Variants in EYS observed in about 807,000 individuals in gnomAD.
EYS encodes EGF-like photoreceptor maintenance factor.
EYS carries 250 observed loss-of-function variants against 282.1 expected under a neutral mutation model. The observed-to-expected ratio is 0.89, with a 90% CI of 0.80 to 0.98. The LOEUF (loss-of-function observed/expected upper bound fraction) is 0.98. Among genes scored for constraint, EYS ranks in the 50% least tolerant of loss-of-function variants. The probability of loss-of-function intolerance (pLI) is 0.00; values close to 1 mark genes in which losing one functional copy is unlikely to be tolerated. For synonymous variants in EYS, 1,355 were observed against 1,282.9 expected (o/e 1.06, Z -1.20); for missense variants, 4,016 against 3,709.0 (o/e 1.08, Z -2.15).
chr6:64,958,659 C>T (rs1267447382), intron 14 of EYS, among the ~76,000 whole-genome samples: 1 of 134,548 alleles, frequency 7.4e-6, no homozygotes, highest in Non-Finnish European at 1.5e-5. Context: ...GGTGTGAACC[C>T]GGAAGGCGGA....
At chr6:63,949,482 C>T (rs556819042) in intron 35 of EYS, among the ~76,000 whole-genome samples, 41 of 152,270 alleles carry the variant, frequency 2.7e-4, no homozygotes, top group African/African-American at 8.9e-4. Flanking sequence ...AATTTCAGTT[C>T]TCAGGACTGG....
chr6:65,394,119 C>T (rs1766168967), intron 7 of EYS, among the ~76,000 whole-genome samples: 1 of 151,940 alleles, frequency 6.6e-6, no homozygotes, highest in South Asian at 2.1e-4. Context: ...AACTTTATTT[C>T]CTGGCTCATT....
intron 29 of EYS, among the ~76,000 whole-genome samples, chr6:64,382,601 A>T (rs1239493102): frequency 6.6e-6 from 1 of 152,220 alleles, no homozygotes; most frequent in Non-Finnish European, 1.5e-5. Context: ...GATGATATAA[A>T]TACAGTGGTA....
chr6:65,116,395 T>C (rs542028921), intron 12 of EYS, among the ~76,000 whole-genome samples: 1 of 152,284 alleles, frequency 6.6e-6, no homozygotes, highest in East Asian at 1.9e-4. Flanking sequence ...TGAATTATTT[T>C]AGTCATTTAA....
chr6:65,661,350 C>T (rs1319903409), intron 1 of EYS, among the ~76,000 whole-genome samples: 6 of 151,928 alleles, frequency 3.9e-5, no homozygotes, highest in African/African-American at 1.4e-4. Context: ...ATGCCCCTTC[C>T]ATGTAGTGAC....
At chr6:65,205,001 GAAGAAT>G (rs1765997479) in intron 12 of EYS, among the ~76,000 whole-genome samples, 1 of 101,842 alleles carries the variant, frequency 9.8e-6, no homozygotes, top group East Asian at 2.3e-4. Flanking sequence ...ATATATTCTA[GAAGAAT>G]ATATTTATAT....
intron 30 of EYS, among the ~76,000 whole-genome samples, chr6:64,233,121 G>A (rs1381409243): frequency 6.6e-6 from 1 of 152,116 alleles, no homozygotes; most frequent in Non-Finnish European, 1.5e-5. Flanking sequence ...TCCTGCTGTA[G>A]CTGCTCAGGG....
At chr6:63,895,905 G>GTTTTTTTTTTTTTT (rs10705427) in intron 35 of EYS, among the ~76,000 whole-genome samples, 9 of 124,362 alleles carry the variant, frequency 7.2e-5, no homozygotes, top group South Asian at 2.6e-4. Flanking sequence ...ATCATGATTT[G>GTTTTTTTTTTTTTT]TTTTTTTTTT....
intron 41 of EYS, among the ~76,000 whole-genome samples, chr6:63,762,156 G>C (rs1276792327): frequency 6.6e-6 from 1 of 152,010 alleles, no homozygotes; most frequent in Non-Finnish European, 1.5e-5. Flanking sequence ...ATCTGGAACT[G>C]AGTTATGAAC....
intron 13 of EYS, among the ~76,000 whole-genome samples, chr6:65,046,196 T>C (rs1201558501): frequency 6.6e-6 from 1 of 151,826 alleles, no homozygotes; most frequent in Non-Finnish European, 1.5e-5. Flanking sequence ...AGAGCACCAA[T>C]AGAGAAAAAT....
intron 35 of EYS, among the ~76,000 whole-genome samples, chr6:63,969,956 C>A (rs758882477): frequency 1.1e-4 from 17 of 152,176 alleles, no homozygotes; most frequent in African/African-American, 4.1e-4. Flanking sequence ...GCAACTGAGA[C>A]CCTGTCCTGA....
rs1275045615 is a variant in EYS at position 64,514,772 on chromosome 6, GC to G, written c.5645-75421del. Among the ~76,000 whole-genome samples, 3 of 151,796 alleles carry G rather than the reference GC, an allele frequency of 2.0e-5. No individual in the cohort carries two copies. In the East Asian group the frequency reaches 5.8e-4, roughly 29 times the overall value. Reference sequence around the variant, plus strand: ...TAGCATCATAATTGTCAAAGGAAGGGCTACAGAGAGAGGAGAATTTGAAATT... The same window carrying G: ...TAGCATCATAATTGTCAAAGGAAGGGTACAGAGAGAGGAGAATTTGAAATT... On this transcript the variant is annotated intron_variant, in intron 26 of 42. Coordinates refer to ENST00000503581, the MANE Select transcript of EYS (RefSeq NM_001142800.2).
intron 31 of EYS, among the ~76,000 whole-genome samples, chr6:64,151,434 C>T (rs1222085169): frequency 6.8e-6 from 1 of 147,748 alleles, no homozygotes; most frequent in Admixed American, 6.8e-5. Context: ...CATCTTGGCT[C>T]ACTGCAACCT....
At chr6:65,438,798 C>G (rs543375258) in intron 5 of EYS, among the ~76,000 whole-genome samples, 1,893 of 151,910 alleles carry the variant, frequency 0.012, 17 homozygotes, top group Admixed American at 0.02. Context: ...CTCCCATTTT[C>G]TAGGTTGCCT....
chr6:64,429,676 C>A (rs1375194389), intron 28 of EYS, among the ~76,000 whole-genome samples: 1 of 152,076 alleles, frequency 6.6e-6, no homozygotes, highest in Non-Finnish European at 1.5e-5. Context: ...AATTTCTATT[C>A]TAATTAACTG....
At chr6:65,275,920 C>T (rs530615928) in intron 12 of EYS, among the ~76,000 whole-genome samples, 105 of 152,242 alleles carry the variant, frequency 6.9e-4, no homozygotes, top group Non-Finnish European at 8.2e-4. Flanking sequence ...AAACTACTAT[C>T]CATGCACTTA....
intron 26 of EYS, among the ~76,000 whole-genome samples, chr6:64,535,174 A>C (rs547625079): frequency 6.6e-6 from 1 of 152,232 alleles, no homozygotes; most frequent in South Asian, 2.1e-4. Flanking sequence ...CCAACTCCCA[A>C]ATTCTCTGGG....
intron 12 of EYS, among the ~76,000 whole-genome samples, chr6:65,129,295 GCAA>G (rs1314228422): frequency 6.6e-6 from 1 of 151,934 alleles, no homozygotes; most frequent in Non-Finnish European, 1.5e-5. Flanking sequence ...AAACGCAACT[GCAA>G]CAACAACAAA....
intron 42 of EYS, among the ~76,000 whole-genome samples, chr6:63,726,101 G>C (rs891708322): frequency 4.6e-5 from 7 of 152,042 alleles, no homozygotes; most frequent in African/African-American, 1.7e-4. Context: ...CAAATCCTGG[G>C]TTTACTGTTT....
Sources: gnomAD v4.1 joint callset for allele counts (sites outside exome capture counted in the v4.1 genomes callset) on GRCh38, gnomAD v4.1.1 for gene constraint, MANE v1.5 for transcripts, NCBI Gene and HGNC (gene_info 2026-07-23, HGNC 2026-07-21) for gene names.